The following GRIK2 variants were observed in gnomAD, a reference collection of about 807,000 sequenced individuals.
The protein encoded by GRIK2 is glutamate receptor ionotropic, kainate 2.
A neutral mutation model predicts 100.3 loss-of-function variants in GRIK2; 32 were observed. The observed-to-expected ratio is 0.32, with a 90% CI of 0.24 to 0.43. The LOEUF is 0.43. Among genes scored for constraint, GRIK2 ranks in the 20% least tolerant of loss-of-function variants. The probability of loss-of-function intolerance (pLI) is 1.00; values close to 1 mark genes in which losing one functional copy is unlikely to be tolerated. For synonymous variants in GRIK2, 417 were observed against 389.4 expected (o/e 1.07, Z -0.83); for missense variants, 843 against 1,114.9 (o/e 0.76, Z 3.47).
intron 14 of GRIK2, among the ~76,000 whole-genome samples, chr6:101,969,396 A>G (rs904976800): frequency 6.6e-6 from 1 of 151,978 alleles, no homozygotes; most frequent in African/African-American, 2.4e-5. Flanking sequence ...TGTTTAATTT[A>G]TGTTATTTCT....
At chr6:101,838,213 A>T (rs893013535) in intron 10 of GRIK2, among the ~76,000 whole-genome samples, 1 of 152,242 alleles carries the variant, frequency 6.6e-6, no homozygotes, top group Non-Finnish European at 1.5e-5. Context: ...ACTTAAGCAT[A>T]AAAGTACATA....
At chr6:101,433,746 G>T (rs752692585) in intron 2 of GRIK2, among the ~76,000 whole-genome samples, 4 of 151,946 alleles carry the variant, frequency 2.6e-5, no homozygotes, top group Non-Finnish European at 5.9e-5. Flanking sequence ...ATAGAGATGA[G>T]AACATTTTTA....
At chr6:101,399,736 G>A (rs375464154) in intron 2 of GRIK2, among the ~76,000 whole-genome samples, 1 of 152,182 alleles carries the variant, frequency 6.6e-6, no homozygotes, top group Non-Finnish European at 1.5e-5. Context: ...GGGGTGCGCG[G>A]TCCGCGCAAA....
chr6:101,519,300 CGT>C (rs55646921), intron 2 of GRIK2, among the ~76,000 whole-genome samples: 33,464 of 140,572 alleles, frequency 0.24, 3,994 homozygotes, highest in East Asian at 0.5. Context: ...CGGAGTTAAA[CGT>C]GTGTGTGTGT....
chr6:102,068,321 T>TTTAA, intron 16 of GRIK2, 26 bp from the exon 17 acceptor site: 5 of 1,550,976 alleles, frequency 3.2e-6, no homozygotes, highest in Non-Finnish European at 3.5e-6. Context: ...TCTTGTAATA[T>TTTAA]TTAATTTTTC....
intron 2 of GRIK2, among the ~76,000 whole-genome samples, chr6:101,442,262 GGA>G (rs776098551): frequency 7.2e-4 from 109 of 152,198 alleles, no homozygotes; most frequent in Non-Finnish European, 1.3e-3. Context: ...GAGTTTGTTG[GGA>G]GAAAAGGAAA....
intron 7 of GRIK2, among the ~76,000 whole-genome samples, chr6:101,740,782 AG>A (rs758733722): frequency 6.6e-6 from 1 of 152,190 alleles, no homozygotes; most frequent in East Asian, 1.9e-4. Flanking sequence ...AGGAAGCAAG[AG>A]GGGGTGGTGC....
intron 2 of GRIK2, among the ~76,000 whole-genome samples, chr6:101,469,275 C>A (rs557125052): frequency 6.6e-6 from 1 of 151,948 alleles, no homozygotes; most frequent in South Asian, 2.1e-4. Context: ...TTAAAACATG[C>A]AAATGAAAAA....
At chr6:101,464,499 T>TTC (rs1562156691) in intron 2 of GRIK2, among the ~76,000 whole-genome samples, 1 of 2,908 alleles carries the variant, frequency 3.4e-4, no homozygotes, top group African/African-American at 1.7e-3. Context: ...TTTTCTTTCT[T>TTC]TTTTTTTTTT....
intron 9 of GRIK2, among the ~76,000 whole-genome samples, chr6:101,809,761 T>G (rs765219562): frequency 6.6e-6 from 1 of 152,084 alleles, no homozygotes; most frequent in Non-Finnish European, 1.5e-5. Flanking sequence ...GCCTATTGCC[T>G]TTCTTTGGAG....
intron 2 of GRIK2, among the ~76,000 whole-genome samples, chr6:101,618,968 T>C (rs868761795): frequency 1.3e-5 from 2 of 149,642 alleles, no homozygotes; most frequent in Non-Finnish European, 3.0e-5. Context: ...TATTTTTAAA[T>C]AAAAATAATT....
At chr6:101,499,370 T>A (rs1018639907) in intron 2 of GRIK2, among the ~76,000 whole-genome samples, 4 of 152,110 alleles carry the variant, frequency 2.6e-5, no homozygotes, top group African/African-American at 9.7e-5. Context: ...AACTTTATAT[T>A]TTTTTATTGA....
At chr6:101,759,181 G>A (rs938984110) in intron 7 of GRIK2, among the ~76,000 whole-genome samples, 6 of 151,972 alleles carry the variant, frequency 3.9e-5, no homozygotes, top group South Asian at 2.1e-4. Context: ...ACCTAAAATG[G>A]GAAATATTTT....
At chr6:101,610,035 T>G (rs2128312974) in intron 2 of GRIK2, among the ~76,000 whole-genome samples, 1 of 151,772 alleles carries the variant, frequency 6.6e-6, no homozygotes, top group East Asian at 1.9e-4. Context: ...TTTAAGAAAC[T>G]TTGCCAGAAA....
chr6:101,625,109 C>A (rs1482397357), intron 3 of GRIK2, among the ~76,000 whole-genome samples: 1 of 151,978 alleles, frequency 6.6e-6, no homozygotes, highest in Non-Finnish European at 1.5e-5. Context: ...TGTGGTGGCT[C>A]ATGCCTGTAA....
intron 4 of GRIK2, among the ~76,000 whole-genome samples, chr6:101,655,601 A>G (rs780188588): frequency 2.8e-4 from 42 of 152,240 alleles, no homozygotes; most frequent in Non-Finnish European, 5.7e-4. Flanking sequence ...ATCATTCTCA[A>G]AAATCCTGAG....
At chr6:101,436,106 T>A (rs146485344) in intron 2 of GRIK2, among the ~76,000 whole-genome samples, 181 of 152,288 alleles carry the variant, frequency 1.2e-3, no homozygotes, top group Non-Finnish European at 1.8e-3. Flanking sequence ...CAAGATTTGG[T>A]TAATAAACTT....
chr6:101,737,281 A>C (rs1002441365), intron 7 of GRIK2, among the ~76,000 whole-genome samples: 2 of 151,808 alleles, frequency 1.3e-5, no homozygotes, highest in African/African-American at 2.4e-5. Flanking sequence ...GCAGCACCCC[A>C]CTCTACTAGT....
In GRIK2 at chr6:101,482,829, A is replaced by G. The variant is rs532495746; in HGVS notation, c.115+83437A>G. ...AACACCCTCCCACGCACATTGAAAA[A>G]CAGCTGGTATAACCTTCTCTGGGAA... On this transcript the variant is annotated intron_variant, in intron 2 of 16. Transcript: ENST00000369134. 1.0e-3 allele frequency among the ~76,000 whole-genome samples: 155 copies of G among 152,150 alleles called. 1 individual carries two copies. The highest frequency in any genetic ancestry group is 3.0e-3 in the Admixed American group (46 of 15,282).
Sources: allele counts gnomAD v4.1 joint callset (sites outside exome capture counted in the v4.1 genomes callset), GRCh38; gene constraint gnomAD v4.1.1; transcripts MANE v1.5; gene names NCBI Gene and HGNC (gene_info 2026-07-23, HGNC 2026-07-21).